The following LAMA2 variants were observed in gnomAD, a reference collection of about 807,000 sequenced individuals.
The protein encoded by LAMA2 is laminin subunit alpha 2, also known as laminin subunit alpha-2.
In LAMA2, 269 loss-of-function variants were observed where a neutral mutation model predicts 364.8. The ratio of observed to expected loss-of-function variants is 0.74; its 90% CI spans 0.67 to 0.82. The LOEUF (loss-of-function observed/expected upper bound fraction) is 0.82. LAMA2 is among the 40% of genes least tolerant of loss of function. The pLI, the probability that LAMA2 is intolerant of heterozygous loss-of-function variation, is 0.00. For synonymous variants in LAMA2, 1,379 were observed against 1,370.6 expected, an observed-to-expected ratio of 1.01 and a Z score of -0.14; for missense variants, 3,807 against 3,873.2, an observed-to-expected ratio of 0.98 and a Z score of 0.45.
intron 1 of LAMA2, among the ~76,000 whole-genome samples, chr6:129,009,120 T>C (rs984671195): frequency 6.6e-6 from 1 of 152,148 alleles, no homozygotes; most frequent in African/African-American, 2.4e-5. Context: ...CTGGTGGTCA[T>C]GGGGAAATGG....
At chr6:129,037,891 G>C (rs1048110044) in intron 1 of LAMA2, among the ~76,000 whole-genome samples, 2 of 151,988 alleles carry the variant, frequency 1.3e-5, no homozygotes, top group Non-Finnish European at 2.9e-5. Context: ...GGATGGTCTT[G>C]ATCTCCTGAC....
chr6:129,066,346 C>T (rs1171491204), intron 3 of LAMA2, among the ~76,000 whole-genome samples: 1 of 152,050 alleles, frequency 6.6e-6, no homozygotes, highest in African/African-American at 2.4e-5. Flanking sequence ...CGCCCGGCCT[C>T]AGGTATGTCT....
At chr6:128,886,932 C>T (rs1776182045) in intron 1 of LAMA2, among the ~76,000 whole-genome samples, 1 of 152,166 alleles carries the variant, frequency 6.6e-6, no homozygotes, top group African/African-American at 2.4e-5. Context: ...AGTTAAGACT[C>T]ATCAACTGTC....
intron 1 of LAMA2, among the ~76,000 whole-genome samples, chr6:129,016,011 C>T (rs1785048206): frequency 6.6e-6 from 1 of 151,936 alleles, no homozygotes; most frequent in Non-Finnish European, 1.5e-5. Flanking sequence ...GGCATACAAT[C>T]TTTACAAAGA....
chr6:129,017,686 A>G (rs1015622136), intron 1 of LAMA2, among the ~76,000 whole-genome samples: 12 of 152,104 alleles, frequency 7.9e-5, no homozygotes, highest in Admixed American at 1.3e-4. Flanking sequence ...GCTGATGATA[A>G]CATGTGATAG....
intron 1 of LAMA2, among the ~76,000 whole-genome samples, chr6:128,950,976 T>A (rs570968029): frequency 9.2e-5 from 14 of 152,294 alleles, no homozygotes; most frequent in Admixed American, 8.5e-4. Context: ...AAAAATATCA[T>A]GTATTTCAAT....
At chr6:128,899,273 G>C (rs774125998) in intron 1 of LAMA2, among the ~76,000 whole-genome samples, 1 of 152,126 alleles carries the variant, frequency 6.6e-6, no homozygotes, top group African/African-American at 2.4e-5. Flanking sequence ...CCTGTATGTA[G>C]TGAATCTGTC....
At chr6:129,466,853 A>G (rs1415407778) in intron 51 of LAMA2, among the ~76,000 whole-genome samples, 1 of 151,898 alleles carries the variant, frequency 6.6e-6, no homozygotes. Flanking sequence ...AGTGAGTTTC[A>G]GCTTTATCCT....
chr6:129,085,604 G>A (rs1050813237), intron 3 of LAMA2, among the ~76,000 whole-genome samples: 1 of 152,276 alleles, frequency 6.6e-6, no homozygotes. Context: ...AGGAACATGA[G>A]CAGCCAAACT....
intron 12 of LAMA2, among the ~76,000 whole-genome samples, chr6:129,226,556 G>A (rs1320995786): frequency 6.6e-6 from 1 of 151,964 alleles, no homozygotes; most frequent in Non-Finnish European, 1.5e-5. Flanking sequence ...GCATTTGCTT[G>A]TCTGTAAAGT....
chr6:129,076,506 T>TATA (rs1773663303), intron 3 of LAMA2, among the ~76,000 whole-genome samples: 3 of 72,016 alleles, frequency 4.2e-5, no homozygotes, highest in African/African-American at 2.7e-4. Context: ...TATAAATATA[T>TATA]ATATATAATA....
intron 40 of LAMA2, among the ~76,000 whole-genome samples, chr6:129,423,453 G>A (rs1321336499): frequency 6.6e-6 from 1 of 152,028 alleles, no homozygotes; most frequent in African/African-American, 2.4e-5. Context: ...GCTTTAGGAG[G>A]CTGAGGCAGG....
Position 129,388,203 on chromosome 6 carries a change from C to T in LAMA2, c.5072-3288C>T, listed in dbSNP as rs140713078. 2.8e-3 allele frequency among the ~76,000 whole-genome samples: 414 copies of T among 149,036 alleles called. 3 individuals are homozygous for T. Among genetic ancestry groups the T allele is most frequent in the African/African-American group, 0.01 (407 of 40,592 alleles). On this transcript the variant is annotated intron_variant, in intron 35 of 64. Transcript: ENST00000421865. ...ACCCAGGAGGTGCGGTCGCAGTGAG[C>T]AGAAATTGTGCCACTGCACTCCAGC...
chr6:129,297,539 T>G, intron 20 of LAMA2, 146 bp from the exon 21 acceptor site: 1 of 738,002 alleles, frequency 1.4e-6, no homozygotes, highest in Non-Finnish European at 2.3e-6. Context: ...TTTGATTGAA[T>G]GAAAACCCAA....
intron 1 of LAMA2, among the ~76,000 whole-genome samples, chr6:128,951,259 A>T (rs1780803744): frequency 6.6e-6 from 1 of 151,994 alleles, no homozygotes; most frequent in Admixed American, 6.6e-5. Context: ...AAAAATAGGG[A>T]TTTTTTCTTT....
chr6:129,192,535 A>C (rs997229217), intron 11 of LAMA2, 145 bp from the exon 12 acceptor site: 2 of 696,012 alleles, frequency 2.9e-6, no homozygotes, highest in Non-Finnish European at 5.0e-6. Flanking sequence ...TGATATTCAT[A>C]ATGCTCAGGT....
intron 1 of LAMA2, among the ~76,000 whole-genome samples, chr6:128,924,547 A>G (rs1188224990): frequency 1.2e-4 from 2 of 16,616 alleles, no homozygotes; most frequent in Admixed American, 1.4e-3. Context: ...TATCCCAGGA[A>G]AAAAAAAATC....
At chr6:129,227,429 T>C (rs1236138451) in intron 12 of LAMA2, among the ~76,000 whole-genome samples, 3 of 152,204 alleles carry the variant, frequency 2.0e-5, no homozygotes, top group Non-Finnish European at 4.4e-5. Flanking sequence ...GTTTTCAGCT[T>C]CTCTGCTCTG....
At chr6:129,202,568 C>T (rs10214920) in intron 12 of LAMA2, among the ~76,000 whole-genome samples, 3,567 of 152,262 alleles carry the variant, frequency 0.023, 145 homozygotes, top group African/African-American at 0.079. Flanking sequence ...GTCTCCAGCA[C>T]TGTGAGCAGT....
Sources: allele counts gnomAD v4.1 joint callset (sites outside exome capture counted in the v4.1 genomes callset), GRCh38; gene constraint gnomAD v4.1.1; transcripts MANE v1.5; gene names NCBI Gene and HGNC (gene_info 2026-07-23, HGNC 2026-07-21).